Variants in VPS13D observed in about 807,000 individuals in gnomAD.
VPS13D encodes intermembrane lipid transfer protein VPS13D.
A neutral mutation model predicts 461.9 loss-of-function variants in VPS13D; 187 were observed. The ratio of observed to expected loss-of-function variants is 0.40; its 90% CI spans 0.36 to 0.46. VPS13D has a LOEUF of 0.46. VPS13D is among the 20% of genes least tolerant of loss of function. The pLI, the probability that VPS13D is intolerant of heterozygous loss-of-function variation, is 0.60. For missense variants in VPS13D, 4,711 were observed against 5,364.9 expected (o/e 0.88, Z 3.81); for synonymous variants, 1,951 against 1,986.3 (o/e 0.98, Z 0.47).
At chr1:12,289,823 C>T (rs538436701) in intron 22 of VPS13D, among the ~76,000 whole-genome samples, 3 of 152,014 alleles carry the variant, frequency 2.0e-5, no homozygotes, top group Admixed American at 1.3e-4. Context: ...GTAGTCCCAG[C>T]GACTCAGGAG....
chr1:12,289,469 A>G (rs1042348624), intron 22 of VPS13D, among the ~76,000 whole-genome samples: 1 of 152,214 alleles, frequency 6.6e-6, no homozygotes, highest in Non-Finnish European at 1.5e-5. Flanking sequence ...ATGCTGTAGT[A>G]AAAACAAGAA....
chr1:12,442,524 A>G (rs1260396818), intron 65 of VPS13D, among the ~76,000 whole-genome samples: 2 of 150,790 alleles, frequency 1.3e-5, no homozygotes. Flanking sequence ...ATAATTCTCC[A>G]TTACTATTTA....
rs1194449785 is a variant in VPS13D at position 12,369,547 on chromosome 1, T to C, written c.10653T>C (p.Tyr3551=). Residue 3551 remains tyrosine (Y), a synonymous_variant, in exon 54 of 70, where the codon TAT becomes TAC. Coordinates refer to ENST00000620676, the MANE Select transcript of VPS13D (RefSeq NM_015378.4). The part of the protein sequence containing the change: ...TEVKPMTSLD[Y]AWDEPTLPPF... ...TGAAGCCCATGACTTCATTGGATTA[T>C]GCCTGGGACGAACCCACCTTGCCAC... 6.2e-7 allele frequency: 1 copy of C among 1,614,078 alleles called. No individual in the cohort carries two copies. Among genetic ancestry groups the C allele is most frequent in the African/African-American group, 1.3e-5 (1 of 74,926 alleles).
intron 5 of VPS13D, 26 bp downstream of exon 5, chr1:12,244,643 G>A (rs1285618304): frequency 2.5e-6 from 4 of 1,595,692 alleles, no homozygotes; most frequent in Non-Finnish European, 3.4e-6. Context: ...TTTTATAAAA[G>A]TATCAACGTG....
At chr1:12,377,160 A>G (rs1427294535) in intron 55 of VPS13D, among the ~76,000 whole-genome samples, 1 of 151,666 alleles carries the variant, frequency 6.6e-6, no homozygotes, top group African/African-American at 2.4e-5. Flanking sequence ...CCTGGTTTCA[A>G]GTGATTCTCC....
chr1:12,504,007 G>A lies in VPS13D; in HGVS notation c.12795-2846G>A, dbSNP rs79034005. Among the ~76,000 whole-genome samples, 295 of 152,238 alleles carry A rather than the reference G, an allele frequency of 1.9e-3. 8 individuals carry two copies. The East Asian group carries it at 0.049, about 25-fold the overall frequency. ...GAGGGGAGGGCGGGGAGCGTGCCGC[G>A]TTTGCCAGGCTTCTCTTACCACCCT... is the stretch of plus-strand genomic sequence containing the variant. On this transcript the variant is annotated intron_variant, in intron 68 of 69. Transcript: ENST00000620676.
rs1482754191 is a variant in VPS13D at position 12,338,276 on chromosome 1, C to T, written c.8597C>T (p.Thr2866Ile). 1.9e-6 allele frequency: 3 copies of T among 1,613,682 alleles called. No individual in the cohort carries two copies. The highest frequency in any genetic ancestry group is 2.7e-5 in the African/African-American group (2 of 74,934). The stretch of plus-strand genomic sequence containing the variant: ...AGAACTAGGAGTACAGCCAGTCTGA[C>T]TAACCTAGAGCACCAGATCTATGCT... ...YLRTRSTASL[T>I]NLEHQIYARA... is the part of the protein sequence containing the mutation. The change falls in exon 40 of 70, where the codon ACT (threonine) becomes ATT (isoleucine). Residue 2866 changes from threonine to isoleucine, a missense_variant. Around this residue, in one of 3 missense-constraint regions of VPS13D, gnomAD observed 4,411 missense variants for 4,937.8 expected, o/e 0.89. Transcript: ENST00000620676.
At chr1:12,371,644 C>G (rs1011179297) in intron 54 of VPS13D, among the ~76,000 whole-genome samples, 6 of 152,136 alleles carry the variant, frequency 3.9e-5, no homozygotes, top group Non-Finnish European at 5.9e-5. Flanking sequence ...CCACCCACCT[C>G]TGCCTCCCAA....
At chr1:12,267,381 A>G (rs1370973818) in intron 14 of VPS13D, among the ~76,000 whole-genome samples, 1 of 152,154 alleles carries the variant, frequency 6.6e-6, no homozygotes, top group Non-Finnish European at 1.5e-5. Context: ...CAAAACAGAA[A>G]CATCTCAAGT....
intron 66 of VPS13D, among the ~76,000 whole-genome samples, chr1:12,459,511 G>A (rs1212943733): frequency 2.9e-5 from 4 of 140,154 alleles, no homozygotes; most frequent in Non-Finnish European, 4.6e-5. Flanking sequence ...AGACAGTCTC[G>A]CTCGGTCGCC....
chr1:12,295,191 C>T (rs1642240079), intron 24 of VPS13D, among the ~76,000 whole-genome samples: 1 of 136,854 alleles, frequency 7.3e-6, no homozygotes, highest in Admixed American at 7.8e-5. Context: ...GCCACCTGCA[C>T]TTCAGCCTTG....
At chr1:12,369,001 T>C in intron 53 of VPS13D, among the ~76,000 whole-genome samples, 1 of 152,210 alleles carries the variant, frequency 6.6e-6, no homozygotes, top group Non-Finnish European at 1.5e-5. Flanking sequence ...TGGAAATCAT[T>C]AGATTTTATT....
chr1:12,344,522 A>G (rs1385793022), intron 42 of VPS13D, among the ~76,000 whole-genome samples: 1 of 152,222 alleles, frequency 6.6e-6, no homozygotes, highest in Non-Finnish European at 1.5e-5. Context: ...TGGAGAAGCT[A>G]ACTACAGAAC....
At chr1:12,439,438 C>G (rs368668505) in intron 65 of VPS13D, among the ~76,000 whole-genome samples, 7 of 151,822 alleles carry the variant, frequency 4.6e-5, no homozygotes, top group South Asian at 4.2e-4. Context: ...TCCCCTCCCC[C>G]ATCTAAAATT....
intron 30 of VPS13D, 120 bp downstream of exon 30, chr1:12,314,447 G>A (rs1411211125): frequency 2.1e-6 from 2 of 945,788 alleles, no homozygotes; most frequent in Admixed American, 4.6e-5. Context: ...AATAGATAAT[G>A]GCTTAATCAG....
At position 12,257,019 on chromosome 1, in the gene VPS13D, G is replaced by A; in HGVS notation, c.873G>A (p.Lys291=). The A allele has an allele frequency of 6.2e-7, 1 of 1,614,124 alleles. No individual in the cohort carries two copies. The highest frequency in any genetic ancestry group is 8.5e-7 in the Non-Finnish European group (1 of 1,180,032). The change falls in exon 9 of 70, where the codon AAG becomes AAA. Residue 291 remains lysine (K), a synonymous_variant. Coordinates refer to ENST00000620676, the MANE Select transcript of VPS13D (RefSeq NM_015378.4). The part of the protein sequence containing the change: ...LQYRQIMEFL[K]ELERKERQVK... ...ACCGGCAAATCATGGAATTCCTCAA[G>A]GAGCTGGAACGAAAGGAGAGGCAGG...
At chr1:12,370,844 A>C (rs1366422166) in intron 54 of VPS13D, among the ~76,000 whole-genome samples, 1 of 152,168 alleles carries the variant, frequency 6.6e-6, no homozygotes. Flanking sequence ...GAAGAATCCT[A>C]GTGGAGGATT....
chr1:12,308,212 C>T (rs1179204807), intron 26 of VPS13D, among the ~76,000 whole-genome samples: 2 of 152,014 alleles, frequency 1.3e-5, no homozygotes, highest in Non-Finnish European at 2.9e-5. Context: ...GGCGGGTGGG[C>T]AGGGTGTGTC....
rs536930009 is a variant in VPS13D at position 12,493,218 on chromosome 1, G to A, written c.12663-4282G>A. On this transcript the variant is annotated intron_variant, in intron 67 of 69. Coordinates refer to ENST00000620676, the MANE Select transcript of VPS13D (RefSeq NM_015378.4). ...AAAAAAAAAGGACTGGCCGGGTGCG[G>A]TGGCTCACGCCTGTAATGCCAGCAC... is the stretch of plus-strand genomic sequence containing the variant. Among the ~76,000 whole-genome samples, 7 of 151,632 alleles carry A rather than the reference G, an allele frequency of 4.6e-5. No individual in the cohort carries two copies. In the South Asian group the frequency reaches 1.5e-3, roughly 32 times the overall value.
Sources: gnomAD v4.1 joint callset for allele counts (sites outside exome capture counted in the v4.1 genomes callset) on GRCh38, gnomAD v4.1.1 for gene constraint, gnomAD v4.1.1 regional missense constraint, MANE v1.5 for transcripts, NCBI Gene and HGNC (gene_info 2026-07-23, HGNC 2026-07-21) for gene names.